SPIN1: variants seen among roughly 807,000 people sequenced by gnomAD.
The protein encoded by SPIN1 is spindlin-1.
In SPIN1, 3 loss-of-function variants were observed where a neutral mutation model predicts 26.0. The ratio of observed to expected loss-of-function variants is 0.12; its 90% CI spans 0.05 to 0.30. The LOEUF (loss-of-function observed/expected upper bound fraction) is 0.30, where lower values mean the gene tolerates loss of function less well. Among genes scored for constraint, SPIN1 ranks in the 10% least tolerant of loss-of-function variants. The pLI is 1.00. For missense variants in SPIN1, 126 were observed against 333.4 expected (o/e 0.38, Z 4.84); for synonymous variants, 101 against 116.5 (o/e 0.87, Z 0.86).
chr9:88,404,018 G>A (rs1212474819), intron 1 of SPIN1, among the ~76,000 whole-genome samples: 1 of 152,176 alleles, frequency 6.6e-6, no homozygotes, highest in Non-Finnish European at 1.5e-5. Flanking sequence ...AAGCCTATTT[G>A]CTCCTAGGCT....
chr9:88,420,307 G>A (rs1334209826), intron 1 of SPIN1, among the ~76,000 whole-genome samples: 13 of 152,168 alleles, frequency 8.5e-5, no homozygotes, highest in East Asian at 1.9e-4. Flanking sequence ...CCTGGGAGGC[G>A]GAGGTTGCAG....
chr9:88,425,576 G>A (rs951227326), intron 1 of SPIN1, among the ~76,000 whole-genome samples: 1 of 151,720 alleles, frequency 6.6e-6, no homozygotes, highest in African/African-American at 2.4e-5. Flanking sequence ...TACTCCGGAG[G>A]CTGAGGCAGA....
intron 3 of SPIN1, among the ~76,000 whole-genome samples, chr9:88,460,913 A>G (rs984891939): frequency 1.3e-5 from 2 of 152,106 alleles, no homozygotes; most frequent in Non-Finnish European, 2.9e-5. Flanking sequence ...GGCTTCTGTC[A>G]TTTGCTCAGT....
At chr9:88,464,642 G>A (rs1304547718) in intron 4 of SPIN1, among the ~76,000 whole-genome samples, 1 of 152,184 alleles carries the variant, frequency 6.6e-6, no homozygotes, top group Non-Finnish European at 1.5e-5. Context: ...CTATTTGGAA[G>A]ATTTGCATAA....
chr9:88,466,548 CG>C lies in SPIN1; in HGVS notation c.356-1818del, dbSNP rs1233930171. On this transcript the variant is annotated intron_variant, in intron 4 of 5. Coordinates refer to ENST00000375859, the MANE Select transcript of SPIN1 (RefSeq NM_006717.3). Reference sequence around the variant, plus strand: ...AGTGGGGTTTTTTTACTGTCATACACGGGGGGAATTCTGTGTAATTTTTTAT... The same window carrying C: ...AGTGGGGTTTTTTTACTGTCATACACGGGGGAATTCTGTGTAATTTTTTAT... Among the ~76,000 whole-genome samples, 4 of 152,112 alleles carry C rather than the reference CG, an allele frequency of 2.6e-5. No individual in the cohort carries two copies. In the South Asian group the frequency reaches 6.2e-4, roughly 24 times the overall value.
intron 2 of SPIN1, among the ~76,000 whole-genome samples, chr9:88,436,569 C>T (rs566289270): frequency 1.3e-5 from 2 of 152,024 alleles, no homozygotes; most frequent in Non-Finnish European, 2.9e-5. Context: ...CCCTGAAAAT[C>T]CCTTGTTTTC....
chr9:88,460,274 T>C (rs1285632890), intron 3 of SPIN1, among the ~76,000 whole-genome samples: 1 of 152,202 alleles, frequency 6.6e-6, no homozygotes, highest in African/African-American at 2.4e-5. Context: ...TCATCCACTT[T>C]CCTCACATGC....
intron 3 of SPIN1, among the ~76,000 whole-genome samples, chr9:88,455,943 C>A (rs1371729167): frequency 1.3e-5 from 2 of 152,172 alleles, no homozygotes; most frequent in African/African-American, 4.8e-5. Flanking sequence ...CAAAGCAAGA[C>A]CCCAGTTCTT....
chr9:88,472,959 C>CT, intron 5 of SPIN1, among the ~76,000 whole-genome samples: 1 of 152,292 alleles, frequency 6.6e-6, no homozygotes, highest in East Asian at 1.9e-4. Flanking sequence ...ACAGATGTAA[C>CT]TGGTAGGCCC....
intron 2 of SPIN1, among the ~76,000 whole-genome samples, chr9:88,443,867 A>T (rs1828189723): frequency 6.6e-6 from 1 of 152,138 alleles, no homozygotes; most frequent in East Asian, 1.9e-4. Flanking sequence ...TAGAGGAAAA[A>T]TTCAGGAAAT....
chr9:88,449,346 C>T (rs1406391327), intron 3 of SPIN1, among the ~76,000 whole-genome samples: 1 of 152,074 alleles, frequency 6.6e-6, no homozygotes, highest in Non-Finnish European at 1.5e-5. Flanking sequence ...TCTTGGTCCA[C>T]TGTTTGACAA....
At position 88,411,138 on chromosome 9, in the gene SPIN1, C is replaced by A. The variant is rs551147411; in HGVS notation, c.-158-15244C>A. ...TTAGTGTCTTCTTTAATGCCACCAACAAATATCTTTTTCACAGTTAAGTGG... is the reference window on the plus strand; with the variant it reads ...TTAGTGTCTTCTTTAATGCCACCAAAAAATATCTTTTTCACAGTTAAGTGG... On this transcript the variant is annotated intron_variant, in intron 1 of 5. Transcript: ENST00000375859. The A allele has an allele frequency of 2.3e-4, 351 of 1,499,894 alleles. 1 individual carries two copies. Among genetic ancestry groups the A allele is most frequent in the Admixed American group, 4.8e-4 (29 of 59,892 alleles). The allele number at this position is 1,499,894 out of a possible 1,614,324, so 92.9% of individuals were successfully genotyped here.
intron 1 of SPIN1, chr9:88,389,538 AT>A (rs1328308332): frequency 6.6e-6 from 1 of 151,970 alleles, no homozygotes; most frequent in East Asian, 1.9e-4. Context: ...TTTTGGAGAG[AT>A]TTTCCGTACG....
intron 5 of SPIN1, among the ~76,000 whole-genome samples, chr9:88,472,555 C>T (rs1337522772): frequency 6.6e-6 from 1 of 151,212 alleles, no homozygotes. Flanking sequence ...AGCAGTGGCA[C>T]GATCTTGGCT....
At chr9:88,443,040 AACCTGGGAGG>A (rs1173205549) in intron 2 of SPIN1, among the ~76,000 whole-genome samples, 2 of 151,198 alleles carry the variant, frequency 1.3e-5, no homozygotes, top group Non-Finnish European at 2.9e-5. Context: ...GAATCGCTTG[AACCTGGGAGG>A]CAGAGGTTGC....
At chr9:88,417,222 T>G (rs1457720243) in intron 1 of SPIN1, among the ~76,000 whole-genome samples, 2 of 152,222 alleles carry the variant, frequency 1.3e-5, no homozygotes, top group African/African-American at 4.8e-5. Context: ...ATAATTTATG[T>G]AATCCCCACT....
intron 3 of SPIN1, among the ~76,000 whole-genome samples, chr9:88,460,440 CGTTAGG>C (rs1828557338): frequency 6.6e-6 from 1 of 152,042 alleles, no homozygotes; most frequent in South Asian, 2.1e-4. Flanking sequence ...CATGTTCTTA[CGTTAGG>C]GTTCTCCAGG....
intron 2 of SPIN1, among the ~76,000 whole-genome samples, chr9:88,438,737 A>G (rs748557337): frequency 4.6e-5 from 7 of 152,236 alleles, no homozygotes; most frequent in Non-Finnish European, 4.4e-5. Context: ...CTAATATCCA[A>G]AATACTTCAA....
chr9:88,443,240 G>GTTCTT (rs1395643357), intron 2 of SPIN1, among the ~76,000 whole-genome samples: 2 of 151,386 alleles, frequency 1.3e-5, no homozygotes, highest in African/African-American at 4.9e-5. Context: ...TTGTCCCATA[G>GTTCTT]TTCTTGGGTA....
Sources: gnomAD v4.1 joint callset for allele counts (sites outside exome capture counted in the v4.1 genomes callset) on GRCh38, gnomAD v4.1.1 for gene constraint, MANE v1.5 for transcripts, NCBI Gene and HGNC (gene_info 2026-07-23, HGNC 2026-07-21) for gene names.